Variants in VWA5B1 observed in about 807,000 individuals in gnomAD.
The protein encoded by VWA5B1 is von Willebrand factor A domain containing 5B1.
A neutral mutation model predicts 118.2 loss-of-function variants in VWA5B1; 115 were observed. That is an observed-to-expected ratio of 0.97 (90% CI 0.84 to 1.14). VWA5B1 has a LOEUF of 1.14. Among genes scored for constraint, VWA5B1 ranks in the 50% most tolerant of loss-of-function variants. VWA5B1 has a pLI of 0.00. For missense variants in VWA5B1, 1,596 were observed against 1,603.8 expected (o/e 1.00, Z 0.08); for synonymous variants, 682 against 658.4 (o/e 1.04, Z -0.55).
intron 20 of VWA5B1, 128 bp from the exon 21 acceptor site, chr1:20,351,927 C>T (rs2090138147): frequency 4.6e-6 from 3 of 647,848 alleles, no homozygotes; most frequent in Non-Finnish European, 7.9e-6. Flanking sequence ...GCTTCTGCTT[C>T]CTTAGCTATC....
intron 1 of VWA5B1, among the ~76,000 whole-genome samples, chr1:20,301,825 A>G (rs2088511199): frequency 6.6e-6 from 1 of 152,194 alleles, no homozygotes; most frequent in Non-Finnish European, 1.5e-5. Context: ...AATTTGTGTA[A>G]TACAGCCCAA....
Position 20,356,664 on chromosome 1 carries a change from G to T in VWA5B1, c.*2401G>T, listed in dbSNP as rs138453481. 1.2e-3 allele frequency among the ~76,000 whole-genome samples: 182 copies of T among 152,310 alleles called. 2 individuals carry two copies. Among genetic ancestry groups the T allele is most frequent in the African/African-American group, 4.3e-3 (179 of 41,574 alleles). On this transcript the variant is annotated 3_prime_UTR_variant, in exon 22 of 22. Transcript: ENST00000289815. ...CTTCTCTAGGAAAGTTCCTCAGACT[G>T]CTCCCGCACCGGCCACTGGAGCTCT...
At chr1:20,328,346 G>C (rs538489546) in intron 9 of VWA5B1, among the ~76,000 whole-genome samples, 5 of 152,294 alleles carry the variant, frequency 3.3e-5, no homozygotes, top group African/African-American at 1.2e-4. Flanking sequence ...GATGATGGAC[G>C]CATGCAAGGT....
intron 12 of VWA5B1, among the ~76,000 whole-genome samples, chr1:20,333,909 G>A (rs576482419): frequency 4.6e-5 from 7 of 152,198 alleles, no homozygotes; most frequent in Non-Finnish European, 1.0e-4. Context: ...TAGAAATTGG[G>A]CAGGTGTGGA....
At chr1:20,345,007 T>A (rs1421892713) in intron 16 of VWA5B1, among the ~76,000 whole-genome samples, 3 of 152,160 alleles carry the variant, frequency 2.0e-5, no homozygotes, top group Non-Finnish European at 2.9e-5. Flanking sequence ...AGCTCACCAC[T>A]CTCCTCTGAT....
intron 19 of VWA5B1, 87 bp downstream of exon 19, chr1:20,350,317 G>A: frequency 2.1e-6 from 3 of 1,439,472 alleles, no homozygotes; most frequent in South Asian, 2.4e-5. Flanking sequence ...CACCGACAAA[G>A]TCCTCAGGGC....
intron 18 of VWA5B1, 136 bp downstream of exon 18, chr1:20,348,494 C>A: frequency 2.3e-6 from 2 of 882,382 alleles, no homozygotes; most frequent in Non-Finnish European, 3.6e-6. Context: ...AGGCCCAAGG[C>A]AAAGCCAGTC....
intron 18 of VWA5B1, chr1:20,349,371 T>TTTTATTTATTCA (rs2090075838): frequency 6.7e-6 from 1 of 149,022 alleles, no homozygotes; most frequent in Non-Finnish European, 1.5e-5. Context: ...AAATCCTTTA[T>TTTTATTTATTCA]TTTATTTATT....
At chr1:20,321,113 C>CAAAAAAAAAAAAAAAAAAAA (rs4062863) in intron 7 of VWA5B1, among the ~76,000 whole-genome samples, 1 of 94,196 alleles carries the variant, frequency 1.1e-5, no homozygotes, top group African/African-American at 4.3e-5. Flanking sequence ...GTAACAGAGG[C>CAAAAAAAAAAAAAAAAAAAA]AAAAAAAAAA....
rs1266678369 is a variant in VWA5B1 at position 20,348,282 on chromosome 1, C to G, written c.2802C>G (p.Ala934=). ...GTATGCTTGGCTCTCGGGCCCTGGC[C>G]CAACAGTGGAGGGGCACCTCTTCTG... ...ALRMLGSRAL[A]QQWRGTSSGF... is the part of the protein sequence containing the mutation. The change falls in exon 18 of 22, where the codon GCC becomes GCG. Residue 934 remains alanine (A), a synonymous_variant. Transcript: ENST00000289815. 1.9e-6 allele frequency: 3 copies of G among 1,551,724 alleles called. No homozygotes were observed. Among genetic ancestry groups the G allele is most frequent in the Non-Finnish European group, 2.6e-6 (3 of 1,147,018 alleles).
In VWA5B1 at chr1:20,319,475, G is replaced by A; in HGVS notation, c.935G>A (p.Gly312Glu). 2 of 1,551,780 alleles carry A rather than the reference G, an allele frequency of 1.3e-6. No homozygotes were observed. The highest frequency in any genetic ancestry group is 1.7e-6 in the Non-Finnish European group (2 of 1,147,014). The change falls in exon 7 of 22, where the codon GGG (glycine) becomes GAG (glutamate). Residue 312 changes from glycine (G) to glutamate (E), a missense_variant. Transcript: ENST00000289815. ...HLKGRTDFIK[G>E]MKKKSRAERK... ...AAGGGAAGAACAGATTTCATTAAAG[G>A]GATGAAGAAGAAGAGCAGAGCAGAG...
chr1:20,294,002 G>A (rs1337822576), intron 1 of VWA5B1, among the ~76,000 whole-genome samples: 1 of 152,190 alleles, frequency 6.6e-6, no homozygotes, highest in African/African-American at 2.4e-5. Context: ...TGAATGAACA[G>A]ACAAGAAAGG....
rs2090276379 is a variant in VWA5B1, at chr1:20,358,974, A to G, written c.*4711A>G. 6.6e-6 allele frequency among the ~76,000 whole-genome samples: 1 copy of G among 152,196 alleles called. No homozygotes were observed. Among genetic ancestry groups the G allele is most frequent in the South Asian group, 2.1e-4 (1 of 4,826 alleles). Reference sequence around the variant, plus strand: ...GTGGACCTCTCTGCCCTGTGTGTCCAGCCCTGCTCCCAGCCCGTTGACTTT... The same window carrying G: ...GTGGACCTCTCTGCCCTGTGTGTCCGGCCCTGCTCCCAGCCCGTTGACTTT... On this transcript the variant is annotated 3_prime_UTR_variant, in exon 22 of 22. Transcript: ENST00000289815.
chr1:20,334,217 A>G (rs1215012616), intron 12 of VWA5B1, among the ~76,000 whole-genome samples: 1 of 152,212 alleles, frequency 6.6e-6, no homozygotes, highest in Non-Finnish European at 1.5e-5. Context: ...GATCAGGTTA[A>G]TGGTTAATGT....
chr1:20,335,417 A>G (rs1218763221), intron 12 of VWA5B1, among the ~76,000 whole-genome samples: 4 of 152,260 alleles, frequency 2.6e-5, no homozygotes, highest in African/African-American at 9.6e-5. Context: ...CAAAGTTTTT[A>G]TGAAACAAAA....
At chr1:20,345,421 A>G in intron 16 of VWA5B1, 35 bp from the exon 17 acceptor site, 1 of 1,550,402 alleles carries the variant, frequency 6.4e-7, no homozygotes, top group Non-Finnish European at 8.7e-7. Flanking sequence ...AGACTTTCTG[A>G]GTCCAAACAG....
chr1:20,331,079 C>T (rs1475126488), intron 11 of VWA5B1, 96 bp downstream of exon 11: 15 of 1,053,818 alleles, frequency 1.4e-5, no homozygotes, highest in East Asian at 2.6e-5. Context: ...GGGATGACAC[C>T]CCAAATCTGA....
chr1:20,351,730 T>C (rs2090134610), intron 20 of VWA5B1, among the ~76,000 whole-genome samples: 1 of 152,188 alleles, frequency 6.6e-6, no homozygotes, highest in Non-Finnish European at 1.5e-5. Flanking sequence ...GAGGATCGCT[T>C]GAGCCCAGGA....
chr1:20,348,694 G>T (rs905768532), intron 18 of VWA5B1, among the ~76,000 whole-genome samples: 5 of 152,218 alleles, frequency 3.3e-5, no homozygotes, highest in Non-Finnish European at 7.3e-5. Flanking sequence ...GGCACCAACT[G>T]CCAGGAAACC....
Sources: gnomAD v4.1 joint callset for allele counts (sites outside exome capture counted in the v4.1 genomes callset) on GRCh38, gnomAD v4.1.1 for gene constraint, MANE v1.5 for transcripts, NCBI Gene and HGNC (gene_info 2026-07-23, HGNC 2026-07-21) for gene names.